The following ARL15 variants were observed in gnomAD, a reference collection of about 807,000 sequenced individuals.
The protein encoded by ARL15 is ADP-ribosylation factor-like protein 15.
In ARL15, 19 loss-of-function variants were observed where a neutral mutation model predicts 25.2. That is an observed-to-expected ratio of 0.75 (90% CI 0.53 to 1.10). ARL15 has a LOEUF of 1.10. ARL15 is among the 50% of genes least tolerant of loss of function. ARL15 has a pLI of 0.00. For synonymous variants in ARL15, 94 were observed against 86.8 expected (o/e 1.08, Z -0.46); for missense variants, 220 against 246.0 (o/e 0.89, Z 0.71).
chr5:53,940,536 T>A (rs1746509266), intron 4 of ARL15, among the ~76,000 whole-genome samples: 1 of 152,186 alleles, frequency 6.6e-6, no homozygotes, highest in Admixed American at 6.5e-5. Context: ...CAATATAACA[T>A]GGAATTAATA....
At chr5:54,201,659 T>C (rs902854342) in intron 1 of ARL15, among the ~76,000 whole-genome samples, 1 of 152,136 alleles carries the variant, frequency 6.6e-6, no homozygotes, top group Non-Finnish European at 1.5e-5. Flanking sequence ...TCTTTGGCTA[T>C]GAATTCCTAC....
intron 1 of ARL15, among the ~76,000 whole-genome samples, chr5:54,206,782 A>G (rs1755882514): frequency 6.6e-6 from 1 of 152,108 alleles, no homozygotes; most frequent in Non-Finnish European, 1.5e-5. Context: ...ATAGAAACAC[A>G]AGAAAATGTA....
At chr5:54,024,682 A>T (rs1222904875) in intron 4 of ARL15, among the ~76,000 whole-genome samples, 1 of 152,180 alleles carries the variant, frequency 6.6e-6, no homozygotes, top group Non-Finnish European at 1.5e-5. Context: ...TCATATCTAA[A>T]CAACATATGG....
At chr5:54,004,494 C>CAAAA (rs10587860) in intron 4 of ARL15, among the ~76,000 whole-genome samples, 5 of 126,254 alleles carry the variant, frequency 4.0e-5, no homozygotes, top group Admixed American at 1.6e-4. Flanking sequence ...GACTGTGTCT[C>CAAAA]AAAAAAAAAA....
At chr5:54,270,038 A>G (rs1337175988) in intron 1 of ARL15, among the ~76,000 whole-genome samples, 1 of 152,252 alleles carries the variant, frequency 6.6e-6, no homozygotes, top group Non-Finnish European at 1.5e-5. Flanking sequence ...AAAATATACG[A>G]AACCTGCTCT....
chr5:53,977,330 G>C (rs1024621470), intron 4 of ARL15, among the ~76,000 whole-genome samples: 1 of 137,582 alleles, frequency 7.3e-6, no homozygotes, highest in Admixed American at 8.0e-5. Context: ...ACTCCAGCCT[G>C]AGCAACAGAG....
chr5:54,229,203 T>G (rs932360350), intron 1 of ARL15, among the ~76,000 whole-genome samples: 5 of 152,288 alleles, frequency 3.3e-5, no homozygotes, highest in Admixed American at 2.0e-4. Flanking sequence ...AAAACAATGC[T>G]TGGACAGTAG....
At chr5:53,960,246 C>T (rs891058097) in intron 4 of ARL15, among the ~76,000 whole-genome samples, 2 of 152,150 alleles carry the variant, frequency 1.3e-5, no homozygotes, top group African/African-American at 2.4e-5. Flanking sequence ...AAGAGATAAA[C>T]ATTTCCTGGT....
chr5:54,105,271 G>T (rs1463267269), intron 4 of ARL15, among the ~76,000 whole-genome samples: 1 of 151,852 alleles, frequency 6.6e-6, no homozygotes. Flanking sequence ...TTAAACTTTT[G>T]CCTCAAATCA....
intron 4 of ARL15, among the ~76,000 whole-genome samples, chr5:54,111,418 G>A (rs1752736872): frequency 6.6e-6 from 1 of 151,870 alleles, no homozygotes; most frequent in Non-Finnish European, 1.5e-5. Context: ...ACACACACAA[G>A]GAATACTCAG....
chr5:54,059,312 C>T (rs917124013), intron 4 of ARL15, among the ~76,000 whole-genome samples: 10 of 152,158 alleles, frequency 6.6e-5, no homozygotes, highest in African/African-American at 1.2e-4. Flanking sequence ...GCCTCCGTTC[C>T]GACAGCATCT....
At chr5:53,980,098 A>G (rs1482506963) in intron 4 of ARL15, among the ~76,000 whole-genome samples, 2 of 140,726 alleles carry the variant, frequency 1.4e-5, no homozygotes, top group Non-Finnish European at 3.0e-5. Flanking sequence ...TGGCTAATAA[A>G]CCTATGATTC....
In ARL15 at chr5:53,963,335, T is replaced by G. The variant is rs545432540; in HGVS notation, c.463-76622A>C. On this transcript the variant is annotated intron_variant, in intron 4 of 4. Transcript: ENST00000504924. ...AAGCCTTATTCTGGAACTGAAGAAT[T>G]TAAGTTAGTCTGCTTTGGGTGAAAA... 5.3e-5 allele frequency among the ~76,000 whole-genome samples: 8 copies of G among 152,274 alleles called. No individual in the cohort carries two copies. In the Middle Eastern group the frequency reaches 0.024, roughly 453 times the overall value.
chr5:54,014,159 A>G (rs530632838), intron 4 of ARL15, among the ~76,000 whole-genome samples: 1 of 152,342 alleles, frequency 6.6e-6, no homozygotes, highest in East Asian at 1.9e-4. Flanking sequence ...GATGTTTAAC[A>G]AACAAATGAA....
chr5:53,890,768 C>T (rs981195903), intron 4 of ARL15, among the ~76,000 whole-genome samples: 1 of 152,224 alleles, frequency 6.6e-6, no homozygotes, highest in Admixed American at 6.5e-5. Flanking sequence ...CCATTATTCA[C>T]ACATCGCGTT....
intron 3 of ARL15, among the ~76,000 whole-genome samples, chr5:54,135,200 C>T (rs1046179245): frequency 6.6e-6 from 1 of 151,994 alleles, no homozygotes. Context: ...AAAGACATGA[C>T]TAAAAACAGC....
intron 4 of ARL15, among the ~76,000 whole-genome samples, chr5:53,974,584 T>G (rs1191115240): frequency 6.6e-6 from 1 of 152,218 alleles, no homozygotes; most frequent in African/African-American, 2.4e-5. Context: ...ATTAGGTACT[T>G]TCAGCCTATC....
chr5:54,177,146 T>C (rs1754900529), intron 1 of ARL15, among the ~76,000 whole-genome samples: 1 of 152,212 alleles, frequency 6.6e-6, no homozygotes, highest in Non-Finnish European at 1.5e-5. Context: ...AGTTATGACT[T>C]GGTCTTTTTT....
At chr5:54,151,658 T>C (rs1259809859) in intron 3 of ARL15, among the ~76,000 whole-genome samples, 1 of 152,074 alleles carries the variant, frequency 6.6e-6, no homozygotes, top group Non-Finnish European at 1.5e-5. Context: ...TTATAAGTAA[T>C]ATATATTCAA....
Sources: allele counts gnomAD v4.1 joint callset (sites outside exome capture counted in the v4.1 genomes callset), GRCh38; gene constraint gnomAD v4.1.1; transcripts MANE v1.5; gene names NCBI Gene and HGNC (gene_info 2026-07-23, HGNC 2026-07-21).